The following TCFL5 variants were observed in gnomAD, a reference collection of about 807,000 sequenced individuals.
The protein encoded by TCFL5 is transcription factor-like 5 protein.
A neutral mutation model predicts 44.3 loss-of-function variants in TCFL5; 9 were observed. That is an observed-to-expected ratio of 0.20 (90% CI 0.12 to 0.35). The LOEUF (loss-of-function observed/expected upper bound fraction) is 0.35. TCFL5 is among the 10% of genes least tolerant of loss of function. TCFL5 has a pLI of 1.00. For missense variants in TCFL5, 603 were observed against 613.4 expected, an observed-to-expected ratio of 0.98 and a Z score of 0.18; for synonymous variants, 319 against 271.6, an observed-to-expected ratio of 1.17 and a Z score of -1.72.
intron 4 of TCFL5, 116 bp downstream of exon 4, chr20:62,857,279 T>C: frequency 7.1e-7 from 1 of 1,411,384 alleles, no homozygotes; most frequent in Non-Finnish European, 9.7e-7. Flanking sequence ...ACGATGCTCC[T>C]ACCTGCTTTA....
Position 62,861,324 on chromosome 20 carries a change from G to A in TCFL5, c.347C>T (p.Ala116Val), listed in dbSNP as rs866477821. The change falls in exon 1 of 6, where the codon GCC becomes GTC. Residue 116 changes from alanine (A) to valine (V), a missense_variant. Transcript: ENST00000335351. This position sits in a 1 kb window ranked among gnomAD's most constrained non-coding sequence, Gnocchi z 4.0. Reference protein sequence around the residue: ...YPVLCPSALAADAPCLGHIDF... With the variant: ...YPVLCPSALAVDAPCLGHIDF... ...GATGTGGCCCAGGCAGGGCGCGTCG[G>A]CCGCCAGCGCGGACGGGCACAGCAC... 1.1e-5 allele frequency: 13 copies of A among 1,147,088 alleles called. No homozygotes were observed. The East Asian group carries it at 6.7e-4, about 59-fold the overall frequency. The allele number at this position is 1,147,088 out of a possible 1,614,324, so 71.1% of individuals were successfully genotyped here. A position where few individuals can be genotyped will look rare whatever the true frequency, so the allele number is the denominator to read the frequency against.
chr20:62,856,335 G>C (rs2063890113), intron 4 of TCFL5, among the ~76,000 whole-genome samples: 1 of 149,228 alleles, frequency 6.7e-6, no homozygotes, highest in African/African-American at 2.4e-5. Flanking sequence ...TACAAAGAAG[G>C]ATACCACAAA....
chr20:62,857,616 T>C lies in TCFL5; in HGVS notation c.1017A>G (p.Ala339=). Residue 339 remains alanine, a synonymous_variant, in exon 4 of 6, where the codon GCA becomes GCG. Transcript: ENST00000335351. The stretch of plus-strand genomic sequence containing the variant: ...GCATTCTACTCCGATTCCTCTTCAG[T>C]GCTTGTTTGCATAGCGCTGCTTCTT... ...KVGEAALCKQ[A]LKRNRSRMRQ... The C allele has an allele frequency of 3.1e-6, 5 of 1,614,240 alleles. No individual in the cohort carries two copies. Among genetic ancestry groups the C allele is most frequent in the Non-Finnish European group, 4.2e-6 (5 of 1,180,034 alleles).
intron 4 of TCFL5, among the ~76,000 whole-genome samples, chr20:62,856,894 G>A (rs986023769): frequency 6.6e-6 from 1 of 152,094 alleles, no homozygotes; most frequent in Non-Finnish European, 1.5e-5. Context: ...CTGTGCAAAC[G>A]ATATGGCTGA....
In TCFL5 at chr20:62,858,750, G is replaced by A. The variant is rs112060259; in HGVS notation, c.994+614C>T. ...GCAGGTGTTTCCCAGGGAGGAAGGG[G>A]CTACGCAGGTGTTTCCCAGGGAGGA... On this transcript the variant is annotated intron_variant, in intron 3 of 5. Transcript: ENST00000335351. 1.0e-4 allele frequency among the ~76,000 whole-genome samples: 6 copies of A among 58,968 alleles called. 1 individual carries two copies. The highest frequency in any genetic ancestry group is 5.0e-4 in the East Asian group (1 of 1,994). The allele number at this position is 58,968 out of a possible 152,430, so 38.7% of individuals were successfully genotyped here. A position where few individuals can be genotyped will look rare whatever the true frequency, so the allele number is the denominator to read the frequency against.
At chr20:62,846,793 AG>A (rs1421157640) in intron 5 of TCFL5, among the ~76,000 whole-genome samples, 1 of 152,002 alleles carries the variant, frequency 6.6e-6, no homozygotes, top group Admixed American at 6.5e-5. Flanking sequence ...AGAAAGAAAA[AG>A]AAAAATAATA....
At chr20:62,854,288 C>G (rs2147272560) in intron 4 of TCFL5, 131 bp from the exon 5 acceptor site, 2 of 1,209,910 alleles carry the variant, frequency 1.7e-6, no homozygotes, top group Non-Finnish European at 2.3e-6. Context: ...ACGGAAGCGC[C>G]TGTCACCACA....
intron 5 of TCFL5, among the ~76,000 whole-genome samples, chr20:62,850,461 G>A (rs893507980): frequency 2.0e-5 from 3 of 151,666 alleles, no homozygotes; most frequent in African/African-American, 7.3e-5. Context: ...AAACCCTGAC[G>A]CCTTTTTCCC....
intron 5 of TCFL5, among the ~76,000 whole-genome samples, chr20:62,843,112 G>A (rs555991204): frequency 7.9e-5 from 12 of 152,336 alleles, no homozygotes; most frequent in African/African-American, 2.6e-4. Flanking sequence ...AAACGTCTAC[G>A]GGACAAATCA....
rs578205085 is a variant in TCFL5 at position 62,859,245 on chromosome 20, C to T, written c.994+119G>A. On this transcript the variant is annotated intron_variant, in intron 3 of 5. Transcript: ENST00000335351. ...GACCCCTGAGATACACAGACACCTC[C>T]AAGACTGTTTCACATGTGTACAAAC... is the stretch of plus-strand genomic sequence containing the variant. 5 of 993,260 alleles carry T rather than the reference C, an allele frequency of 5.0e-6. No homozygotes were observed. In the Admixed American group the frequency reaches 1.2e-4, roughly 24 times the overall value. 61.5% of individuals were successfully genotyped at this position (993,260 alleles called of 1,614,324 possible). A position where few individuals can be genotyped will look rare whatever the true frequency, so the allele number is the denominator to read the frequency against.
intron 5 of TCFL5, chr20:62,851,740 T>C: frequency 3.0e-6 from 3 of 985,414 alleles, no homozygotes; most frequent in Non-Finnish European, 2.4e-6. Context: ...TGCCTGGCGC[T>C]GAAGAGACGA....
intron 5 of TCFL5, among the ~76,000 whole-genome samples, chr20:62,850,248 AC>A (rs2063790396): frequency 6.6e-6 from 1 of 152,118 alleles, no homozygotes; most frequent in African/African-American, 2.4e-5. Flanking sequence ...GCATGGGTGT[AC>A]AGGTGTTCAC....
chr20:62,850,701 C>A lies in TCFL5; in HGVS notation c.1380+3315G>T, dbSNP rs150922402. Among the ~76,000 whole-genome samples the A allele has an allele frequency of 5.3e-4, 80 of 152,308 alleles. 1 individual carries two copies. Among genetic ancestry groups the A allele is most frequent in the African/African-American group, 1.8e-3 (76 of 41,562 alleles). On this transcript the variant is annotated intron_variant, in intron 5 of 5. Coordinates refer to ENST00000335351, the MANE Select transcript of TCFL5 (RefSeq NM_006602.4). ...TCACTGCCCAAAGACTGCCGAGGCC[C>A]CCAACCCTCAGGACTAGCGGTCCAC...
In TCFL5 at chr20:62,855,526, G is replaced by T. The variant is rs565250627; in HGVS notation, c.1239-1369C>A. Among the ~76,000 whole-genome samples, 16 of 152,304 alleles carry T rather than the reference G, an allele frequency of 1.1e-4. No individual in the cohort carries two copies. In the East Asian group the frequency reaches 1.9e-3, roughly 18 times the overall value. On this transcript the variant is annotated intron_variant, in intron 4 of 5. Transcript: ENST00000335351. The stretch of plus-strand genomic sequence containing the variant: ...TCAAGCCTGTAATCCCAGTACTTTG[G>T]GAGGCCGAGGCACGTGGATCACCTG...
chr20:62,857,085 C>A (rs1245285816), intron 4 of TCFL5, among the ~76,000 whole-genome samples: 1 of 152,226 alleles, frequency 6.6e-6, no homozygotes. Flanking sequence ...AGGGCGCGCT[C>A]TTAGAAGCTT....
intron 4 of TCFL5, 89 bp from the exon 5 acceptor site, chr20:62,854,246 C>A (rs2063854651): frequency 6.6e-7 from 1 of 1,513,696 alleles, no homozygotes; most frequent in African/African-American, 1.4e-5. Context: ...CTTGAGGGAA[C>A]CAGAGCTCGT....
intron 3 of TCFL5, 89 bp downstream of exon 3, chr20:62,859,275 T>G: frequency 7.5e-7 from 1 of 1,326,496 alleles, no homozygotes; most frequent in African/African-American, 1.5e-5. Context: ...ACAAACCATC[T>G]GTCTCCCCTG....
At chr20:62,848,145 G>A (rs1257326482) in intron 5 of TCFL5, among the ~76,000 whole-genome samples, 2 of 152,206 alleles carry the variant, frequency 1.3e-5, no homozygotes, top group African/African-American at 2.4e-5. Flanking sequence ...CAGACAGCAC[G>A]TGAGGGACAG....
At chr20:62,855,567 G>A (rs2063875389) in intron 4 of TCFL5, among the ~76,000 whole-genome samples, 4 of 152,166 alleles carry the variant, frequency 2.6e-5, no homozygotes, top group Admixed American at 2.6e-4. Flanking sequence ...AGGAGTTCGA[G>A]ACCAGCCTGA....
Sources: allele counts gnomAD v4.1 joint callset (sites outside exome capture counted in the v4.1 genomes callset), GRCh38; gene constraint gnomAD v4.1.1; non-coding constraint Gnocchi (gnomAD v3.1); transcripts MANE v1.5; gene names NCBI Gene and HGNC (gene_info 2026-07-23, HGNC 2026-07-21).